Variants in MAGI2 observed in about 807,000 individuals in gnomAD.
MAGI2 encodes membrane associated guanylate kinase, WW and PDZ domain containing 2.
MAGI2 carries 35 observed loss-of-function variants against 133.3 expected under a neutral mutation model. That is an observed-to-expected ratio of 0.26 (90% CI 0.20 to 0.35). The LOEUF (loss-of-function observed/expected upper bound fraction) is 0.35. Ranked by LOEUF, MAGI2 falls within the 10% of genes least tolerant of loss-of-function variation. MAGI2 has a pLI of 1.00. For synonymous variants in MAGI2, 729 were observed against 710.6 expected, an observed-to-expected ratio of 1.03 and a Z score of -0.41; for missense variants, 1,636 against 1,863.4, an observed-to-expected ratio of 0.88 and a Z score of 2.25.
At chr7:78,848,321 A>G (rs1164968317) in intron 2 of MAGI2, among the ~76,000 whole-genome samples, 1 of 151,808 alleles carries the variant, frequency 6.6e-6, no homozygotes, top group Non-Finnish European at 1.5e-5. Context: ...CTCCACATCC[A>G]ATACATCATC....
intron 1 of MAGI2, among the ~76,000 whole-genome samples, chr7:79,014,471 CTAA>C: frequency 6.6e-6 from 1 of 152,044 alleles, no homozygotes; most frequent in East Asian, 1.9e-4. Flanking sequence ...CTAATACAGT[CTAA>C]TAAGAGCATA....
intron 15 of MAGI2, among the ~76,000 whole-genome samples, chr7:78,166,952 T>A (rs1047562909): frequency 1.3e-5 from 2 of 152,072 alleles, no homozygotes; most frequent in African/African-American, 4.8e-5. Context: ...CTACCAAACC[T>A]CTGGGCGTCA....
chr7:79,274,286 T>C (rs1279374297), intron 1 of MAGI2, among the ~76,000 whole-genome samples: 1 of 152,172 alleles, frequency 6.6e-6, no homozygotes, highest in Non-Finnish European at 1.5e-5. Context: ...TTTGAATCTG[T>C]ACTACCTTCA....
At chr7:79,341,868 G>T (rs781222010) in intron 1 of MAGI2, among the ~76,000 whole-genome samples, 2 of 152,024 alleles carry the variant, frequency 1.3e-5, no homozygotes. Context: ...TAAGCTTCTG[G>T]GTACCCTACA....
chr7:79,172,456 T>A (rs910693328), intron 1 of MAGI2, among the ~76,000 whole-genome samples: 3 of 152,066 alleles, frequency 2.0e-5, no homozygotes, highest in Non-Finnish European at 2.9e-5. Context: ...ATTATAAGAA[T>A]GTGATGTCAT....
intron 9 of MAGI2, among the ~76,000 whole-genome samples, chr7:78,320,157 A>G (rs1481703221): frequency 6.6e-6 from 1 of 152,164 alleles, no homozygotes; most frequent in Non-Finnish European, 1.5e-5. Flanking sequence ...AGAGTCCAGG[A>G]CCAGATGGAT....
intron 5 of MAGI2, among the ~76,000 whole-genome samples, chr7:78,499,262 T>C (rs905228058): frequency 2.0e-5 from 3 of 152,228 alleles, no homozygotes; most frequent in Non-Finnish European, 4.4e-5. Context: ...ATGCTCTATC[T>C]AGCCATTGTT....
At chr7:79,184,861 A>G (rs1260552765) in intron 1 of MAGI2, among the ~76,000 whole-genome samples, 1 of 151,846 alleles carries the variant, frequency 6.6e-6, no homozygotes, top group Admixed American at 6.6e-5. Context: ...TTGATGTGAC[A>G]TAATAAATAA....
At chr7:79,197,564 G>C (rs939481295) in intron 1 of MAGI2, among the ~76,000 whole-genome samples, 1 of 151,984 alleles carries the variant, frequency 6.6e-6, no homozygotes, top group African/African-American at 2.4e-5. Context: ...ACATCTGGCT[G>C]GCATGACCTC....
chr7:78,390,643 G>C (rs917800740), intron 6 of MAGI2, among the ~76,000 whole-genome samples: 3 of 151,830 alleles, frequency 2.0e-5, no homozygotes, highest in East Asian at 3.9e-4. Context: ...TGGTGGGGGT[G>C]GGGGGTGGAG....
intron 2 of MAGI2, among the ~76,000 whole-genome samples, chr7:78,657,496 G>A (rs960296670): frequency 6.6e-6 from 1 of 152,156 alleles, no homozygotes; most frequent in Non-Finnish European, 1.5e-5. Context: ...AAAAAGAAAT[G>A]AGCTGTCTGA....
At chr7:79,093,174 T>C (rs1817212869) in intron 1 of MAGI2, among the ~76,000 whole-genome samples, 2 of 150,392 alleles carry the variant, frequency 1.3e-5, no homozygotes, top group Admixed American at 1.3e-4. Context: ...ATCAGCTCTA[T>C]TAAAAAAAAA....
chr7:79,181,723 G>T (rs971945138), intron 1 of MAGI2, among the ~76,000 whole-genome samples: 1 of 151,934 alleles, frequency 6.6e-6, no homozygotes, highest in Admixed American at 6.6e-5. Flanking sequence ...TGCATTGTCA[G>T]GCTGCAAATT....
intron 2 of MAGI2, among the ~76,000 whole-genome samples, chr7:78,724,169 G>C (rs141774604): frequency 6.6e-5 from 10 of 152,264 alleles, no homozygotes; most frequent in Non-Finnish European, 1.5e-4. Flanking sequence ...AGAATGAAAA[G>C]GTTGAGTCAG....
chr7:79,453,189 C>G lies in MAGI2; in HGVS notation c.132G>C (p.Leu44=), dbSNP rs1186248917. ...GGAENGQFPY[L]GEVKPGKVAY... ...CCACCTTGCCGGGCTTCACCTCCCC[C>G]AGGTAGGGGAACTGTCCATTCTCGG... The change falls in exon 1 of 22, where the codon CTG becomes CTC. Residue 44 remains leucine (L), a synonymous_variant. Transcript: ENST00000354212. 6.2e-7 allele frequency: 1 copy of G among 1,614,108 alleles called. No homozygotes were observed. The highest frequency in any genetic ancestry group is 8.5e-7 in the Non-Finnish European group (1 of 1,180,046).
At chr7:79,400,766 T>G (rs572652037) in intron 1 of MAGI2, among the ~76,000 whole-genome samples, 1 of 152,248 alleles carries the variant, frequency 6.6e-6, no homozygotes, top group South Asian at 2.1e-4. Flanking sequence ...ATATGGTATG[T>G]TCTAATACTA....
chr7:78,325,706 T>C (rs953226534), intron 9 of MAGI2, among the ~76,000 whole-genome samples: 30 of 152,062 alleles, frequency 2.0e-4, no homozygotes, highest in Admixed American at 2.0e-3. Context: ...AGGACCCCAC[T>C]CTCATCCTGC....
At chr7:78,584,421 G>GAAAAAA (rs57844382) in intron 3 of MAGI2, among the ~76,000 whole-genome samples, 121 of 83,942 alleles carry the variant, frequency 1.4e-3, no homozygotes, top group Non-Finnish European at 1.9e-3. Context: ...CTCCGTCTCA[G>GAAAAAA]AAAAAAAAAA....
intron 6 of MAGI2, among the ~76,000 whole-genome samples, chr7:78,465,082 C>G (rs772394764): frequency 6.6e-6 from 1 of 152,020 alleles, no homozygotes; most frequent in Non-Finnish European, 1.5e-5. Flanking sequence ...GGGGAAAATA[C>G]AAATAATTTA....
Sources: allele counts gnomAD v4.1 joint callset (sites outside exome capture counted in the v4.1 genomes callset), GRCh38; gene constraint gnomAD v4.1.1; transcripts MANE v1.5; gene names NCBI Gene and HGNC (gene_info 2026-07-23, HGNC 2026-07-21).